The following CNTNAP2 variants were observed in gnomAD, a reference collection of about 807,000 sequenced individuals.
CNTNAP2 encodes contactin-associated protein-like 2.
Under a neutral mutation model 155.2 loss-of-function variants are expected in CNTNAP2, and 98 were observed. That is an observed-to-expected ratio of 0.63 (90% CI 0.54 to 0.75). The LOEUF (loss-of-function observed/expected upper bound fraction) is 0.75, where lower values mean the gene tolerates loss of function less well. Ranked by LOEUF, CNTNAP2 falls within the 30% of genes least tolerant of loss-of-function variation. The pLI is 0.00. For missense variants in CNTNAP2, 1,727 were observed against 1,688.1 expected (o/e 1.02, Z -0.40); for synonymous variants, 651 against 631.2 (o/e 1.03, Z -0.47).
chr7:147,346,055 T>A (rs1416329651), intron 9 of CNTNAP2, among the ~76,000 whole-genome samples: 2 of 152,200 alleles, frequency 1.3e-5, no homozygotes, highest in Non-Finnish European at 2.9e-5. Context: ...ATTACATTTC[T>A]ACAAAGGAAA....
intron 12 of CNTNAP2, among the ~76,000 whole-genome samples, chr7:147,562,613 A>G (rs1412912030): frequency 2.0e-5 from 3 of 152,220 alleles, no homozygotes; most frequent in East Asian, 1.9e-4. Flanking sequence ...CTCACTGTGC[A>G]TGCTAGAGGA....
intron 2 of CNTNAP2, among the ~76,000 whole-genome samples, chr7:146,814,351 T>G (rs1803123050): frequency 6.6e-6 from 1 of 152,154 alleles, no homozygotes; most frequent in Non-Finnish European, 1.5e-5. Flanking sequence ...ATATCTACTT[T>G]TTTAGGGCTG....
intron 15 of CNTNAP2, among the ~76,000 whole-genome samples, chr7:148,036,487 G>A (rs1426461437): frequency 2.0e-5 from 3 of 151,984 alleles, no homozygotes; most frequent in Non-Finnish European, 4.4e-5. Flanking sequence ...GGCCTCTCTT[G>A]CTCTCTCTTG....
chr7:146,850,588 G>A (rs10252339), intron 3 of CNTNAP2, among the ~76,000 whole-genome samples: 5,587 of 152,190 alleles, frequency 0.037, 340 homozygotes, highest in African/African-American at 0.13. Context: ...ATTTTTGGCT[G>A]CAGAAATTGA....
intron 8 of CNTNAP2, among the ~76,000 whole-genome samples, chr7:147,272,750 A>G (rs7811047): frequency 0.77 from 116,180 of 150,508 alleles, 45,343 homozygotes; most frequent in African/African-American, 0.91. Flanking sequence ...ATCATGATCC[A>G]CCCGCCTTGG....
chr7:148,052,145 A>G lies in CNTNAP2; in HGVS notation c.2384-65973A>G, dbSNP rs1252958188. ...CAGACAGAGCCAGACTCCGTCTCCA[A>G]AAAAAAAAAAAAAAGCCCTTGTAAG... On this transcript the variant is annotated intron_variant, in intron 15 of 23. Transcript: ENST00000361727. Among the ~76,000 whole-genome samples, 3 of 146,014 alleles carry G rather than the reference A, an allele frequency of 2.1e-5. No homozygotes were observed. The South Asian group carries it at 6.3e-4, about 31-fold the overall frequency.
At chr7:146,798,271 C>G (rs942588544) in intron 2 of CNTNAP2, among the ~76,000 whole-genome samples, 2 of 150,988 alleles carry the variant, frequency 1.3e-5, no homozygotes, top group Admixed American at 1.3e-4. Context: ...GAGCCAGACC[C>G]TGTCTCCAAA....
chr7:147,091,159 C>T (rs1341192600), intron 4 of CNTNAP2, among the ~76,000 whole-genome samples: 1 of 152,114 alleles, frequency 6.6e-6, no homozygotes, highest in Non-Finnish European at 1.5e-5. Flanking sequence ...TCCTCGTCCC[C>T]TTCCTTCTTT....
At chr7:148,055,873 C>T (rs569709422) in intron 15 of CNTNAP2, among the ~76,000 whole-genome samples, 62 of 152,276 alleles carry the variant, frequency 4.1e-4, no homozygotes, top group African/African-American at 1.4e-3. Flanking sequence ...TTTTGGTCCC[C>T]ATGATTTTGC....
intron 13 of CNTNAP2, among the ~76,000 whole-genome samples, chr7:147,818,227 A>G (rs1283509057): frequency 6.6e-6 from 1 of 152,004 alleles, no homozygotes; most frequent in Non-Finnish European, 1.5e-5. Context: ...ATGGTGGTCT[A>G]ATTTCTTTGA....
intron 8 of CNTNAP2, among the ~76,000 whole-genome samples, chr7:147,237,049 CTTTTTTTTTTTTTTTTTTTTTTTTTTTTT>C (rs548220734): frequency 3.5e-5 from 2 of 57,484 alleles, no homozygotes; most frequent in Non-Finnish European, 6.8e-5. Flanking sequence ...TTCACCTCCT[CTTTTTTTTTTTTTTTTTTTTTTTTTTTTT>C]TTTTTTTGAC....
intron 9 of CNTNAP2, among the ~76,000 whole-genome samples, chr7:147,357,734 CT>C (rs1193262082): frequency 6.6e-6 from 1 of 151,916 alleles, no homozygotes; most frequent in African/African-American, 2.4e-5. Flanking sequence ...CTAGTGAACA[CT>C]TTTTTTGTTA....
At chr7:147,820,059 T>C (rs887071207) in intron 13 of CNTNAP2, among the ~76,000 whole-genome samples, 1 of 152,142 alleles carries the variant, frequency 6.6e-6, no homozygotes, top group East Asian at 1.9e-4. Flanking sequence ...TATGTTTAAA[T>C]TTATAAGAAT....
At chr7:146,798,383 C>T (rs912538563) in intron 2 of CNTNAP2, among the ~76,000 whole-genome samples, 1 of 152,210 alleles carries the variant, frequency 6.6e-6, no homozygotes, top group South Asian at 2.1e-4. Flanking sequence ...GCTCTGTTGC[C>T]CAAGCTGGAG....
chr7:147,046,942 G>T (rs1273533483), intron 4 of CNTNAP2, among the ~76,000 whole-genome samples: 1 of 147,456 alleles, frequency 6.8e-6, no homozygotes, highest in Non-Finnish European at 1.5e-5. Flanking sequence ...TGAAGCAGGA[G>T]AATGGCGTGA....
chr7:146,627,050 G>T (rs1387672791), intron 1 of CNTNAP2, among the ~76,000 whole-genome samples: 2 of 152,148 alleles, frequency 1.3e-5, no homozygotes, highest in Non-Finnish European at 2.9e-5. Flanking sequence ...GTTCCAGATG[G>T]CTGGGGAGGC....
intron 18 of CNTNAP2, among the ~76,000 whole-genome samples, chr7:148,177,682 T>C (rs908167116): frequency 1.3e-5 from 2 of 152,138 alleles, no homozygotes; most frequent in Non-Finnish European, 2.9e-5. Context: ...AGTGCTCCTA[T>C]TGTACCAAGA....
At chr7:146,127,348 T>C (rs997062896) in intron 1 of CNTNAP2, among the ~76,000 whole-genome samples, 2 of 152,168 alleles carry the variant, frequency 1.3e-5, no homozygotes, top group Non-Finnish European at 2.9e-5. Context: ...GCAGGCAAAT[T>C]CTTTGGTTTC....
chr7:148,187,145 C>CAA (rs869067640), intron 18 of CNTNAP2, among the ~76,000 whole-genome samples: 1 of 44,656 alleles, frequency 2.2e-5, no homozygotes, highest in African/African-American at 4.1e-5. Context: ...CACACACACA[C>CAA]ACAAACAGAG....
Sources: allele counts gnomAD v4.1 joint callset (sites outside exome capture counted in the v4.1 genomes callset), GRCh38; gene constraint gnomAD v4.1.1; transcripts MANE v1.5; gene names NCBI Gene and HGNC (gene_info 2026-07-23, HGNC 2026-07-21).